Variants in CORIN observed in about 807,000 individuals in gnomAD.
CORIN encodes the protein atrial natriuretic peptide-converting enzyme.
Under a neutral mutation model 125.3 loss-of-function variants are expected in CORIN, and 117 were observed. The ratio of observed to expected loss-of-function variants is 0.93; its 90% CI spans 0.80 to 1.09. The LOEUF is 1.09. Ranked by LOEUF, CORIN falls within the 50% of genes least tolerant of loss-of-function variation. The pLI, the probability that CORIN is intolerant of heterozygous loss-of-function variation, is 0.00. For synonymous variants in CORIN, 450 were observed against 466.4 expected (o/e 0.96, Z 0.45); for missense variants, 1,253 against 1,306.7 (o/e 0.96, Z 0.63).
At chr4:47,759,247 T>C (rs9884844) in intron 4 of CORIN, among the ~76,000 whole-genome samples, 8,464 of 152,246 alleles carry the variant, frequency 0.056, 740 homozygotes, top group African/African-American at 0.19. Context: ...AAGACTTAAA[T>C]GTAAGGGCCC....
chr4:47,601,783 G>A (rs947307082), intron 20 of CORIN, among the ~76,000 whole-genome samples: 1 of 152,012 alleles, frequency 6.6e-6, no homozygotes, highest in African/African-American at 2.4e-5. Flanking sequence ...TTACATGTGA[G>A]TTTTTTTGAA....
intron 5 of CORIN, among the ~76,000 whole-genome samples, chr4:47,725,591 C>T (rs977931556): frequency 4.6e-5 from 7 of 152,086 alleles, no homozygotes; most frequent in Non-Finnish European, 8.8e-5. Context: ...AAAAATACCA[C>T]TTGACCTATA....
At chr4:47,771,470 A>G (rs762168089) in intron 3 of CORIN, among the ~76,000 whole-genome samples, 3 of 152,184 alleles carry the variant, frequency 2.0e-5, no homozygotes, top group Non-Finnish European at 4.4e-5. Context: ...GTTCAGGGGT[A>G]CATGTGCAGG....
intron 3 of CORIN, among the ~76,000 whole-genome samples, chr4:47,781,174 T>C (rs1388457613): frequency 6.6e-6 from 1 of 152,196 alleles, no homozygotes; most frequent in African/African-American, 2.4e-5. Context: ...AACTATATGC[T>C]GTCTACCACA....
intron 5 of CORIN, among the ~76,000 whole-genome samples, chr4:47,743,175 A>C (rs1728493277): frequency 6.6e-6 from 1 of 151,338 alleles, no homozygotes; most frequent in Non-Finnish European, 1.5e-5. Context: ...TTTGGGGGTG[A>C]GCAAAGATTT....
At chr4:47,762,685 G>C (rs1289399224) in intron 4 of CORIN, among the ~76,000 whole-genome samples, 2 of 152,176 alleles carry the variant, frequency 1.3e-5, no homozygotes, top group African/African-American at 2.4e-5. Context: ...GAACTGATGA[G>C]ATTTAGTTGA....
intron 3 of CORIN, among the ~76,000 whole-genome samples, chr4:47,783,560 T>A (rs1227583074): frequency 6.6e-6 from 1 of 152,138 alleles, no homozygotes. Context: ...AGAATGAATG[T>A]CTGGCCATTG....
At chr4:47,833,121 GA>G (rs140370181) in intron 1 of CORIN, among the ~76,000 whole-genome samples, 81 of 145,712 alleles carry the variant, frequency 5.6e-4, no homozygotes, top group African/African-American at 1.7e-3. Flanking sequence ...TTACGAGCAA[GA>G]AAAAAAAAAG....
chr4:47,731,956 G>T (rs2109815856), intron 5 of CORIN, among the ~76,000 whole-genome samples: 1 of 152,238 alleles, frequency 6.6e-6, no homozygotes, highest in East Asian at 1.9e-4. Context: ...CACAGGTAGA[G>T]ACCCTTGGAG....
intron 5 of CORIN, among the ~76,000 whole-genome samples, chr4:47,694,378 G>A (rs1460809647): frequency 6.6e-6 from 1 of 151,720 alleles, no homozygotes; most frequent in Non-Finnish European, 1.5e-5. Flanking sequence ...ACTTTTTTAT[G>A]AGCTCTAGTT....
intron 5 of CORIN, among the ~76,000 whole-genome samples, chr4:47,730,967 C>A (rs935286749): frequency 2.6e-5 from 4 of 152,202 alleles, no homozygotes; most frequent in Non-Finnish European, 4.4e-5. Context: ...GAAGGATAAT[C>A]CAGGCACAAA....
rs552641141 is a variant in CORIN, at chr4:47,704,898, C to T, written c.800-11815G>A. 1.2e-4 allele frequency among the ~76,000 whole-genome samples: 19 copies of T among 152,196 alleles called. No homozygotes were observed. In the East Asian group the frequency reaches 2.3e-3, roughly 19 times the overall value. ...CGTGCAGTTCCCAAGCCATATCACA[C>T]GATGGCAGCCATACTCAGCACGTAG... is the stretch of plus-strand genomic sequence containing the variant. On this transcript the variant is annotated intron_variant, in intron 5 of 21. Transcript: ENST00000273857.
At chr4:47,808,642 G>A (rs1158148431) in intron 1 of CORIN, among the ~76,000 whole-genome samples, 1 of 152,064 alleles carries the variant, frequency 6.6e-6, no homozygotes, top group African/African-American at 2.4e-5. Flanking sequence ...CATTGTACCT[G>A]GATTAAGCTA....
rs768533580 is a variant in CORIN at position 47,600,237 on chromosome 4, A to T, written c.2923T>A (p.Ser975Thr). ...TTRMICAGYE[S>T]GTVDSCMGDS... ...ACCATGCATGAATCAACTGTGCCAGACTCATAGCCAGCACATATCATCCGA... is the reference window on the plus strand; with the variant it reads ...ACCATGCATGAATCAACTGTGCCAGTCTCATAGCCAGCACATATCATCCGA... Residue 975 changes from serine to threonine, a missense_variant, in exon 21 of 22, where the codon TCT becomes ACT. By Grantham distance (58) the Ser-to-Thr change is moderately conservative. Coordinates refer to ENST00000273857, the MANE Select transcript of CORIN (RefSeq NM_006587.4). 7.4e-6 allele frequency: 12 copies of T among 1,613,414 alleles called. No homozygotes were observed. Among genetic ancestry groups the T allele is most frequent in the Non-Finnish European group, 1.0e-5 (12 of 1,179,642 alleles).
intron 4 of CORIN, among the ~76,000 whole-genome samples, chr4:47,754,754 G>A (rs1007882332): frequency 9.9e-5 from 15 of 152,200 alleles, no homozygotes; most frequent in African/African-American, 3.4e-4. Flanking sequence ...CAGGACTTCA[G>A]GTAGCAGGGA....
At chr4:47,693,950 C>A (rs1725876239) in intron 5 of CORIN, among the ~76,000 whole-genome samples, 2 of 152,164 alleles carry the variant, frequency 1.3e-5, no homozygotes, top group South Asian at 4.1e-4. Context: ...TAATCTTTGA[C>A]TCAGGAATCA....
At chr4:47,786,442 G>T (rs935107174) in intron 3 of CORIN, among the ~76,000 whole-genome samples, 1 of 152,194 alleles carries the variant, frequency 6.6e-6, no homozygotes, top group Non-Finnish European at 1.5e-5. Context: ...TCAAGAGGCT[G>T]AGGCAGGAGA....
intron 20 of CORIN, among the ~76,000 whole-genome samples, chr4:47,601,656 T>C (rs1393212960): frequency 6.6e-6 from 1 of 152,114 alleles, no homozygotes; most frequent in Non-Finnish European, 1.5e-5. Context: ...AGGAGGAATA[T>C]AAGCAGAAAC....
chr4:47,669,473 A>T (rs1361521940), intron 10 of CORIN, among the ~76,000 whole-genome samples: 4 of 151,930 alleles, frequency 2.6e-5, no homozygotes, highest in Non-Finnish European at 5.9e-5. Context: ...CTCCCAGGTC[A>T]AGAAACTGAA....
Sources: allele counts gnomAD v4.1 joint callset (sites outside exome capture counted in the v4.1 genomes callset), GRCh38; gene constraint gnomAD v4.1.1; transcripts MANE v1.5; gene names NCBI Gene and HGNC (gene_info 2026-07-23, HGNC 2026-07-21).